Variants in SLC15A2 observed in about 807,000 individuals in gnomAD.
SLC15A2 encodes kidney H(+)/peptide cotransporter.
SLC15A2 carries 77 observed loss-of-function variants against 95.5 expected under a neutral mutation model. The observed-to-expected ratio is 0.81, with a 90% CI of 0.67 to 0.97. The LOEUF (loss-of-function observed/expected upper bound fraction) is 0.97, where lower values mean the gene tolerates loss of function less well. Among genes scored for constraint, SLC15A2 ranks in the 50% least tolerant of loss-of-function variants. The pLI is 0.00. For missense variants in SLC15A2, 893 were observed against 874.4 expected, an observed-to-expected ratio of 1.02 and a Z score of -0.27; for synonymous variants, 306 against 306.9, an observed-to-expected ratio of 1.00 and a Z score of 0.03.
intron 19 of SLC15A2, among the ~76,000 whole-genome samples, chr3:121,937,497 C>G (rs574430901): frequency 6.8e-6 from 1 of 147,190 alleles, no homozygotes; most frequent in Non-Finnish European, 1.5e-5. Flanking sequence ...CTTCCCTTCT[C>G]GCTTCATTTC....
Position 121,897,512 on chromosome 3 carries a change from G to C in SLC15A2, c.318G>C (p.Ser106=), listed in dbSNP as rs575722222. ...TPILGAAIAD[S]WLGKFKTIIY... Reference sequence around the variant, plus strand: ...TCCTGGGAGCAGCCATTGCTGACTCGTGGTTGGGAAAATTCAAGTAAGGAA... The same window carrying C: ...TCCTGGGAGCAGCCATTGCTGACTCCTGGTTGGGAAAATTCAAGTAAGGAA... The change falls in exon 3 of 22, where the codon TCG becomes TCC. Residue 106 remains serine, a synonymous_variant. Coordinates refer to ENST00000489711, the MANE Select transcript of SLC15A2 (RefSeq NM_021082.4). 7 of 1,613,930 alleles carry C rather than the reference G, an allele frequency of 4.3e-6. No individual in the cohort carries two copies. The South Asian group carries it at 6.6e-5, about 15-fold the overall frequency.
chr3:121,929,775 T>G (rs548056624), intron 17 of SLC15A2, among the ~76,000 whole-genome samples: 5 of 152,310 alleles, frequency 3.3e-5, no homozygotes, highest in African/African-American at 9.6e-5. Flanking sequence ...TAGCACACAT[T>G]TGGAGTCAAA....
intron 15 of SLC15A2, 113 bp downstream of exon 15, chr3:121,928,668 G>T: frequency 2.4e-6 from 3 of 1,242,122 alleles, no homozygotes; most frequent in Non-Finnish European, 3.3e-6. Context: ...TAATCTTTGA[G>T]CACATGATTT....
chr3:121,932,202 C>A (rs1422146777), intron 19 of SLC15A2, among the ~76,000 whole-genome samples: 1 of 152,078 alleles, frequency 6.6e-6, no homozygotes, highest in Non-Finnish European at 1.5e-5. Context: ...CCGCACCTGG[C>A]TCTACAGTGA....
At position 121,943,616 on chromosome 3, in the gene SLC15A2, T is replaced by A. The variant is rs1391700259; in HGVS notation, c.*2609T>A. ...CAGTGTAAGGTAACATGAGTTGTTTTTGGAAACTACATCATAATGTGGGCT... is the reference window on the plus strand; with the variant it reads ...CAGTGTAAGGTAACATGAGTTGTTTATGGAAACTACATCATAATGTGGGCT... On this transcript the variant is annotated 3_prime_UTR_variant, in exon 22 of 22. Coordinates refer to ENST00000489711, the MANE Select transcript of SLC15A2 (RefSeq NM_021082.4). 6.6e-6 allele frequency: 1 copy of A among 152,260 alleles called. No homozygotes were observed. The highest frequency in any genetic ancestry group is 2.4e-5 in the African/African-American group (1 of 41,476). The allele number at this position is 152,260 out of a possible 1,614,324, so 9.4% of individuals were successfully genotyped here.
At chr3:121,929,439 C>G in intron 17 of SLC15A2, 91 bp downstream of exon 17, 1 of 1,361,132 alleles carries the variant, frequency 7.3e-7, no homozygotes, top group Non-Finnish European at 1.0e-6. Context: ...TTGTTCTGAA[C>G]AGGAATTCCC....
intron 13 of SLC15A2, among the ~76,000 whole-genome samples, chr3:121,927,208 G>A (rs1238330677): frequency 1.3e-5 from 2 of 152,322 alleles, no homozygotes; most frequent in South Asian, 4.1e-4. Flanking sequence ...ATTGTATTTT[G>A]CAATGTGAGA....
rs762931705 is a variant in SLC15A2, at chr3:121,929,062, T to C, written c.1422T>C (p.Ser474=). Reference sequence around the variant, plus strand: ...TCCACCTGAAATATCACAATTTGTCTCTCTACACTGAGCATTCTGTGCAGG... The same window carrying C: ...TCCACCTGAAATATCACAATTTGTCCCTCTACACTGAGCATTCTGTGCAGG... The part of the protein sequence containing the change: ...FHFHLKYHNL[S]LYTEHSVQEK... The change falls in exon 16 of 22, where the codon TCT becomes TCC. Residue 474 remains serine, a synonymous_variant. Coordinates refer to ENST00000489711, the MANE Select transcript of SLC15A2 (RefSeq NM_021082.4). The C allele has an allele frequency of 1.5e-5, 25 of 1,614,002 alleles. No homozygotes were observed. The highest frequency in any genetic ancestry group is 2.0e-5 in the Non-Finnish European group (24 of 1,179,984).
At chr3:121,938,037 G>C (rs936587743) in intron 19 of SLC15A2, among the ~76,000 whole-genome samples, 8 of 150,304 alleles carry the variant, frequency 5.3e-5, no homozygotes, top group Admixed American at 1.3e-4. Context: ...TGAGGTGTCA[G>C]TCTGCCCCTG....
chr3:121,935,358 T>C (rs1249825032), intron 19 of SLC15A2, among the ~76,000 whole-genome samples: 1 of 152,172 alleles, frequency 6.6e-6, no homozygotes, highest in East Asian at 1.9e-4. Flanking sequence ...CCTCCTTGTA[T>C]CTCTGGTAGA....
chr3:121,920,784 A>C (rs974793786), intron 7 of SLC15A2, among the ~76,000 whole-genome samples: 6 of 152,206 alleles, frequency 3.9e-5, no homozygotes, highest in Admixed American at 3.9e-4. Flanking sequence ...TGGAGATATT[A>C]AAAAGTGATG....
intron 3 of SLC15A2, among the ~76,000 whole-genome samples, chr3:121,901,595 T>G (rs184886213): frequency 2.6e-4 from 39 of 152,304 alleles, no homozygotes; most frequent in African/African-American, 9.4e-4. Flanking sequence ...TGTTTGTGTG[T>G]GTGTGCGTGT....
At chr3:121,924,295 C>CT in intron 11 of SLC15A2, 56 bp from the exon 12 acceptor site, 2 of 1,217,660 alleles carry the variant, frequency 1.6e-6, no homozygotes, top group Non-Finnish European at 2.4e-6. Context: ...TCTAGGCCAA[C>CT]ATTTTTTTTT....
chr3:121,908,777 C>T (rs763483556), intron 3 of SLC15A2, among the ~76,000 whole-genome samples: 41 of 152,166 alleles, frequency 2.7e-4, no homozygotes, highest in Admixed American at 4.6e-4. Context: ...CTTTCTCTTC[C>T]ATTTTCTTTT....
Position 121,939,437 on chromosome 3 carries a change from T to G in SLC15A2, c.1850T>G (p.Leu617Arg). ...GCGTGGCAGCTACCACAATATGCCC[T>G]GGTTACAGCTGGGGAGGTCATGTTC... ...SIAWQLPQYA[L>R]VTAGEVMFSV... The change falls in exon 20 of 22, where the codon CTG becomes CGG. Residue 617 changes from leucine (L) to arginine (R), a missense_variant. Leu to Arg is a moderately radical substitution (Grantham distance 102). Transcript: ENST00000489711. The G allele has an allele frequency of 1.3e-6, 2 of 1,572,172 alleles. No homozygotes were observed.
intron 19 of SLC15A2, 100 bp downstream of exon 19, chr3:121,931,835 C>G: frequency 1.5e-6 from 1 of 672,638 alleles, no homozygotes; most frequent in Non-Finnish European, 2.7e-6. Flanking sequence ...GACTCTGTGG[C>G]AAAGCAGACA....
chr3:121,925,140 T>C, intron 13 of SLC15A2, 107 bp downstream of exon 13: 1 of 786,236 alleles, frequency 1.3e-6, no homozygotes, highest in South Asian at 1.5e-5. Flanking sequence ...TTGGTTTTAG[T>C]TTATCATCTA....
chr3:121,903,831 T>A (rs151230178), intron 3 of SLC15A2, among the ~76,000 whole-genome samples: 138 of 152,272 alleles, frequency 9.1e-4, no homozygotes, highest in East Asian at 6.9e-3. Context: ...CTTGGCAATG[T>A]GGGCTATTTT....
intron 3 of SLC15A2, 72 bp downstream of exon 3, chr3:121,897,601 T>TACTCAGAAGCAAGAG: frequency 6.7e-7 from 1 of 1,502,698 alleles, no homozygotes; most frequent in Non-Finnish European, 9.1e-7. Flanking sequence ...TCTAGCCTCT[T>TACTCAGAAGCAAGAG]GCTTCTGAGT....
Sources: allele counts gnomAD v4.1 joint callset (sites outside exome capture counted in the v4.1 genomes callset), GRCh38; gene constraint gnomAD v4.1.1; transcripts MANE v1.5; gene names NCBI Gene and HGNC (gene_info 2026-07-23, HGNC 2026-07-21).